Variants in MAPK4 observed in about 807,000 individuals in gnomAD.
MAPK4 encodes mitogen-activated protein kinase 4, also known as Erk3-related.
A neutral mutation model predicts 47.7 loss-of-function variants in MAPK4; 22 were observed. The ratio of observed to expected loss-of-function variants is 0.46; its 90% CI spans 0.33 to 0.66. MAPK4 has a LOEUF of 0.66. Among genes scored for constraint, MAPK4 ranks in the 30% least tolerant of loss-of-function variants. MAPK4 has a pLI of 0.02. For missense variants in MAPK4, 736 were observed against 831.7 expected (o/e 0.88, Z 1.42); for synonymous variants, 390 against 365.7 (o/e 1.07, Z -0.76).
chr18:50,625,871 G>C (rs2042772358), intron 1 of MAPK4, among the ~76,000 whole-genome samples: 2 of 143,520 alleles, frequency 1.4e-5, no homozygotes, highest in Admixed American at 7.0e-5. Context: ...AAACCAATAG[G>C]GTGTGTGTAT....
chr18:50,577,172 T>C (rs1217304736), intron 1 of MAPK4, among the ~76,000 whole-genome samples: 1 of 152,180 alleles, frequency 6.6e-6, no homozygotes, highest in African/African-American at 2.4e-5. Context: ...GATTCTCAAG[T>C]GCAAACAAGT....
chr18:50,677,344 A>G (rs1908329840), intron 2 of MAPK4, among the ~76,000 whole-genome samples: 1 of 152,220 alleles, frequency 6.6e-6, no homozygotes, highest in South Asian at 2.1e-4. Flanking sequence ...TAAAATGAAC[A>G]TTCATGGTTT....
rs867643039 is a variant in MAPK4 at position 50,601,099 on chromosome 18, A to C, written c.-871+40856A>C. On this transcript the variant is annotated intron_variant, in intron 1 of 5. Coordinates refer to ENST00000400384, the MANE Select transcript of MAPK4 (RefSeq NM_002747.4). The stretch of plus-strand genomic sequence containing the variant: ...AACATAGTAAGACCCTATCTCTGTA[A>C]AAAAAAAAAAAAAAAGAAGAAGAAG... Among the ~76,000 whole-genome samples, 15 of 4,808 alleles carry C rather than the reference A, an allele frequency of 3.1e-3. No homozygotes were observed. The Non-Finnish European group carries it at 0.061, about 19-fold the overall frequency. The allele number at this position is 4,808 out of a possible 152,430, so 3.2% of individuals were successfully genotyped here.
At position 50,680,523 on chromosome 18, in the gene MAPK4, C is replaced by T. The variant is rs116641856; in HGVS notation, c.546+16019C>T. The stretch of plus-strand genomic sequence containing the variant: ...TCCATCAGCAGAATCAGTTTTAGAA[C>T]ATTTTCATTACCCCCAAAAGAAACA... On this transcript the variant is annotated intron_variant, in intron 2 of 5. Coordinates refer to ENST00000400384, the MANE Select transcript of MAPK4 (RefSeq NM_002747.4). 1.0e-2 allele frequency among the ~76,000 whole-genome samples: 1,522 copies of T among 152,222 alleles called. 29 individuals are homozygous for T. Among genetic ancestry groups the T allele is most frequent in the African/African-American group, 0.035 (1,450 of 41,530 alleles).
At chr18:50,662,427 A>C (rs536240163) in intron 1 of MAPK4, among the ~76,000 whole-genome samples, 1 of 152,326 alleles carries the variant, frequency 6.6e-6, no homozygotes, top group Non-Finnish European at 1.5e-5. Context: ...TGTCAAAAAG[A>C]ATACAGCTCA....
At chr18:50,654,303 G>A (rs2043083809) in intron 1 of MAPK4, among the ~76,000 whole-genome samples, 1 of 152,220 alleles carries the variant, frequency 6.6e-6, no homozygotes, top group Non-Finnish European at 1.5e-5. Flanking sequence ...TGGGCTCACA[G>A]AGTTATCTCC....
intron 1 of MAPK4, among the ~76,000 whole-genome samples, chr18:50,606,165 G>A (rs933325090): frequency 1.3e-5 from 2 of 152,126 alleles, no homozygotes; most frequent in Non-Finnish European, 2.9e-5. Flanking sequence ...GGAGAACCCC[G>A]CCTGCCACTG....
chr18:50,616,833 C>A (rs1033052370), intron 1 of MAPK4, among the ~76,000 whole-genome samples: 6 of 152,200 alleles, frequency 3.9e-5, no homozygotes, highest in Non-Finnish European at 8.8e-5. Flanking sequence ...ATGGTGCCAC[C>A]CAGACTGACG....
intron 2 of MAPK4, among the ~76,000 whole-genome samples, chr18:50,671,656 CTTT>C (rs1461041105): frequency 2.6e-3 from 20 of 7,644 alleles, no homozygotes; most frequent in African/African-American, 3.1e-3. Flanking sequence ...CTTTGGGAGG[CTTT>C]GGGAAGACTG....
intron 1 of MAPK4, among the ~76,000 whole-genome samples, chr18:50,657,217 C>G (rs944718878): frequency 6.6e-6 from 1 of 152,160 alleles, no homozygotes; most frequent in African/African-American, 2.4e-5. Flanking sequence ...ATCATATGAC[C>G]ACCCCTAAAG....
intron 2 of MAPK4, among the ~76,000 whole-genome samples, chr18:50,686,554 A>G (rs547282895): frequency 3.3e-5 from 5 of 152,286 alleles, no homozygotes; most frequent in Admixed American, 1.3e-4. Context: ...ACAACTTCAT[A>G]CCTGCTGGAT....
intron 1 of MAPK4, among the ~76,000 whole-genome samples, chr18:50,597,580 G>A (rs2042493716): frequency 6.6e-6 from 1 of 152,196 alleles, no homozygotes; most frequent in Admixed American, 6.5e-5. Flanking sequence ...CTTTCTTAGT[G>A]GCTTGTGTCA....
intron 1 of MAPK4, among the ~76,000 whole-genome samples, chr18:50,626,679 C>T (rs1027396382): frequency 1.8e-4 from 28 of 152,242 alleles, no homozygotes; most frequent in African/African-American, 4.8e-4. Context: ...AAACCTGGAA[C>T]GAGACCAGGC....
At chr18:50,673,271 C>A (rs1050270998) in intron 2 of MAPK4, among the ~76,000 whole-genome samples, 1 of 152,030 alleles carries the variant, frequency 6.6e-6, no homozygotes. Flanking sequence ...AGTGAAACTC[C>A]GCCTCAAAAA....
chr18:50,634,946 C>T (rs1321156759), intron 1 of MAPK4, among the ~76,000 whole-genome samples: 2 of 152,178 alleles, frequency 1.3e-5, no homozygotes, highest in Non-Finnish European at 2.9e-5. Flanking sequence ...TGTTCTTAGA[C>T]ATCCCTATGC....
At chr18:50,657,011 C>T (rs993025849) in intron 1 of MAPK4, among the ~76,000 whole-genome samples, 1 of 152,196 alleles carries the variant, frequency 6.6e-6, no homozygotes, top group Non-Finnish European at 1.5e-5. Flanking sequence ...CTCAGCTCCT[C>T]AGCGATGCCA....
At chr18:50,577,292 G>A (rs977680126) in intron 1 of MAPK4, among the ~76,000 whole-genome samples, 1 of 152,192 alleles carries the variant, frequency 6.6e-6, no homozygotes, top group African/African-American at 2.4e-5. Flanking sequence ...ATGCATGTGT[G>A]TATGAGGGCA....
At chr18:50,635,834 G>T (rs776651880) in intron 1 of MAPK4, among the ~76,000 whole-genome samples, 20 of 152,118 alleles carry the variant, frequency 1.3e-4, no homozygotes, top group Non-Finnish European at 2.5e-4. Flanking sequence ...AGGCCCCATG[G>T]TTCGGTCCAC....
chr18:50,597,962 T>C (rs2042498664), intron 1 of MAPK4, among the ~76,000 whole-genome samples: 2 of 152,228 alleles, frequency 1.3e-5, no homozygotes, highest in Admixed American at 1.3e-4. Flanking sequence ...TTGAAGAAGC[T>C]GAGCTGGGGG....
Sources: gnomAD v4.1 joint callset for allele counts (sites outside exome capture counted in the v4.1 genomes callset) on GRCh38, gnomAD v4.1.1 for gene constraint, MANE v1.5 for transcripts, NCBI Gene and HGNC (gene_info 2026-07-23, HGNC 2026-07-21) for gene names.